Variants in TIAM1 observed in about 807,000 individuals in gnomAD.
TIAM1 encodes rho guanine nucleotide exchange factor TIAM1.
TIAM1 carries 65 observed loss-of-function variants against 163.5 expected under a neutral mutation model. The observed-to-expected ratio is 0.40, with a 90% CI of 0.33 to 0.49. The LOEUF is 0.49. Among genes scored for constraint, TIAM1 ranks in the 20% least tolerant of loss-of-function variants. The pLI is 0.77. For missense variants in TIAM1, 1,789 were observed against 2,044.7 expected (o/e 0.87, Z 2.41); for synonymous variants, 833 against 810.1 (o/e 1.03, Z -0.48).
chr21:31,247,570 T>C lies in TIAM1; in HGVS notation c.1412-1910A>G, dbSNP rs139101537. 3.9e-5 allele frequency among the ~76,000 whole-genome samples: 6 copies of C among 151,934 alleles called. No individual in the cohort carries two copies. The East Asian group carries it at 1.2e-3, about 30-fold the overall frequency. Reference sequence around the variant, plus strand: ...CAACCATACCTGGCTAATTTGTGTATTTTTTTGTAAAGACAAGGTCTCACT... The same window carrying C: ...CAACCATACCTGGCTAATTTGTGTACTTTTTTGTAAAGACAAGGTCTCACT... On this transcript the variant is annotated intron_variant, in intron 5 of 27. Coordinates refer to ENST00000541036, the MANE Select transcript of TIAM1 (RefSeq NM_001353694.2).
At chr21:31,425,603 T>G (rs2043756319) in intron 2 of TIAM1, among the ~76,000 whole-genome samples, 1 of 150,678 alleles carries the variant, frequency 6.6e-6, no homozygotes, top group Non-Finnish European at 1.5e-5. Context: ...TTTTTTTACA[T>G]TTTTATTTCA....
chr21:31,259,263 G>A (rs955642081), intron 4 of TIAM1, among the ~76,000 whole-genome samples: 1 of 151,374 alleles, frequency 6.6e-6, no homozygotes, highest in Non-Finnish European at 1.5e-5. Context: ...AGCCCACTAC[G>A]AAACTGAGAC....
chr21:31,283,015 T>C (rs1399806927), intron 2 of TIAM1, among the ~76,000 whole-genome samples: 1 of 152,198 alleles, frequency 6.6e-6, no homozygotes, highest in Non-Finnish European at 1.5e-5. Context: ...GAGCGGTAAA[T>C]CTTTGACAAT....
chr21:31,400,212 CCA>C (rs2077142566), intron 2 of TIAM1, among the ~76,000 whole-genome samples: 1 of 152,016 alleles, frequency 6.6e-6, no homozygotes, highest in African/African-American at 2.4e-5. Flanking sequence ...ACTGCAACCT[CCA>C]CCCCCTGGGT....
chr21:31,234,051 T>C (rs1378213720), intron 6 of TIAM1, among the ~76,000 whole-genome samples: 3 of 152,126 alleles, frequency 2.0e-5, no homozygotes, highest in African/African-American at 7.2e-5. Flanking sequence ...ACAGATGATA[T>C]AAGCAGCTTT....
Position 31,141,395 on chromosome 21 carries a change from C to T in TIAM1, c.3585G>A (p.Lys1195=). 2.5e-6 allele frequency: 4 copies of T among 1,614,246 alleles called. No individual in the cohort carries two copies. Among genetic ancestry groups the T allele is most frequent in the Non-Finnish European group, 3.4e-6 (4 of 1,180,050 alleles). Residue 1195 remains lysine, a synonymous_variant, in exon 21 of 28, where the codon AAG becomes AAA. Transcript: ENST00000541036. The surrounding 1 kb of genome is among the most constrained non-coding windows in gnomAD (Gnocchi z 4.7). ...YLIKPIQRIL[K]YPLLLRELFA... ...ACAGCTCCCTGAGCAGAAGTGGGTACTTGAGGATCCTCTGGATGGGCTTGA... is the reference window on the plus strand; with the variant it reads ...ACAGCTCCCTGAGCAGAAGTGGGTATTTGAGGATCCTCTGGATGGGCTTGA...
chr21:31,549,482 A>G (rs202078653), intron 1 of TIAM1, among the ~76,000 whole-genome samples: 1 of 151,606 alleles, frequency 6.6e-6, no homozygotes, highest in South Asian at 2.1e-4. Context: ...ATAAAAAAAA[A>G]TTAAAAATGA....
intron 5 of TIAM1, among the ~76,000 whole-genome samples, chr21:31,246,249 C>T (rs1008912365): frequency 6.6e-6 from 1 of 151,964 alleles, no homozygotes; most frequent in Admixed American, 6.6e-5. Flanking sequence ...GCCAACCATG[C>T]CCTTGTTCCT....
At chr21:31,550,887 A>C (rs191061885) in intron 1 of TIAM1, among the ~76,000 whole-genome samples, 10 of 152,316 alleles carry the variant, frequency 6.6e-5, no homozygotes, top group Admixed American at 4.6e-4. Flanking sequence ...GGTCTATGTC[A>C]GTAATATAAA....
intron 2 of TIAM1, among the ~76,000 whole-genome samples, chr21:31,304,710 T>A (rs1267396418): frequency 6.6e-6 from 1 of 152,200 alleles, no homozygotes; most frequent in Non-Finnish European, 1.5e-5. Flanking sequence ...AGACCGAGTC[T>A]CACTCTATCG....
rs551501073 is a variant in TIAM1 at position 31,471,870 on chromosome 21, AAATAATAATAAT to A, written c.-421-7847_-421-7836del. ...GGCAACAAGAGCGAAACTCCATCTCAAATAATAATAATAATAATAATAATAATAATAAAGGGA... is the reference window on the plus strand; with the variant it reads ...GGCAACAAGAGCGAAACTCCATCTCAAATAATAATAATAATAATAAAGGGA... On this transcript the variant is annotated intron_variant, in intron 1 of 28. Coordinates refer to the TIAM1 transcript ENST00000286827. Among the ~76,000 whole-genome samples the A allele has an allele frequency of 1.7e-4, 20 of 118,890 alleles. No homozygotes were observed. The Admixed American group carries it at 1.7e-3, about 10-fold the overall frequency. 78.0% of individuals were successfully genotyped at this position (118,890 alleles called of 152,430 possible).
intron 16 of TIAM1, among the ~76,000 whole-genome samples, chr21:31,164,286 A>T (rs2084092071): frequency 6.6e-6 from 1 of 151,762 alleles, no homozygotes; most frequent in South Asian, 2.1e-4. Context: ...GCTACTCGGG[A>T]GGCTGAGGCA....
At chr21:31,191,375 C>T (rs1394035638) in intron 13 of TIAM1, among the ~76,000 whole-genome samples, 1 of 152,074 alleles carries the variant, frequency 6.6e-6, no homozygotes, top group Non-Finnish European at 1.5e-5. Flanking sequence ...AGGATGGTCT[C>T]AATCTCTTGA....
chr21:31,295,225 C>T (rs1051293638), intron 2 of TIAM1, among the ~76,000 whole-genome samples: 80 of 152,262 alleles, frequency 5.3e-4, no homozygotes, highest in African/African-American at 1.9e-3. Flanking sequence ...AATCCCAGCA[C>T]TTTGGGAGGC....
At chr21:31,365,434 G>C (rs910494516) in intron 2 of TIAM1, among the ~76,000 whole-genome samples, 2 of 144,272 alleles carry the variant, frequency 1.4e-5, no homozygotes, top group African/African-American at 5.2e-5. Context: ...TGTCGCCCAG[G>C]CTGGAGTGCA....
chr21:31,552,987 G>A (rs943752391), intron 1 of TIAM1, among the ~76,000 whole-genome samples: 1 of 152,124 alleles, frequency 6.6e-6, no homozygotes, highest in Non-Finnish European at 1.5e-5. Context: ...AAGCACAGCC[G>A]ACCCCAGTTA....
At position 31,120,761 on chromosome 21, in the gene TIAM1, G is replaced by A. The variant is rs780211607; in HGVS notation, c.4383C>T (p.Ala1461=). 5.7e-5 allele frequency: 92 copies of A among 1,613,884 alleles called. No individual in the cohort carries two copies. Among genetic ancestry groups the A allele is most frequent in the South Asian group, 8.8e-5 (8 of 91,082 alleles). ...CTTTCTCCGGGCTGCTTGCGGAGAC[G>A]GCATCAGAATCAATGGTAAACCTGT... ...ARNRFTIDSD[A]VSASSPEKES... is the part of the protein sequence containing the mutation. The change falls in exon 28 of 28, where the codon GCC becomes GCT. Residue 1461 remains alanine (A), a synonymous_variant. Transcript: ENST00000541036. This position sits in a 1 kb window ranked among gnomAD's most constrained non-coding sequence, Gnocchi z 4.2.
At chr21:31,248,294 T>G (rs982641147) in intron 5 of TIAM1, among the ~76,000 whole-genome samples, 3 of 152,216 alleles carry the variant, frequency 2.0e-5, no homozygotes, top group Admixed American at 2.0e-4. Context: ...TAGTGAATGT[T>G]GTATGGTCCC....
chr21:31,499,426 C>G (rs1203285070), intron 1 of TIAM1, among the ~76,000 whole-genome samples: 4 of 151,786 alleles, frequency 2.6e-5, no homozygotes, highest in Non-Finnish European at 5.9e-5. Context: ...CCAGGCATGG[C>G]AGTACACGCT....
Sources: gnomAD v4.1 joint callset for allele counts (sites outside exome capture counted in the v4.1 genomes callset) on GRCh38, gnomAD v4.1.1 for gene constraint, Gnocchi (gnomAD v3.1) non-coding constraint, MANE v1.5 for transcripts, NCBI Gene and HGNC (gene_info 2026-07-23, HGNC 2026-07-21) for gene names.